ANO4: variants seen among roughly 807,000 people sequenced by gnomAD.
ANO4 encodes the protein anoctamin 4, also known as anoctamin-4.
A neutral mutation model predicts 141.9 loss-of-function variants in ANO4; 69 were observed. That is an observed-to-expected ratio of 0.49 (90% CI 0.40 to 0.59). ANO4 has a LOEUF of 0.59. Among genes scored for constraint, ANO4 ranks in the 20% least tolerant of loss-of-function variants. The probability of loss-of-function intolerance (pLI) is 0.00; values close to 1 mark genes in which losing one functional copy is unlikely to be tolerated. For missense variants in ANO4, 894 were observed against 1,162.2 expected, an observed-to-expected ratio of 0.77 and a Z score of 3.36; for synonymous variants, 350 against 394.3, an observed-to-expected ratio of 0.89 and a Z score of 1.33.
At chr12:100,724,280 A>G (rs1377863196) in intron 1 of ANO4, among the ~76,000 whole-genome samples, 1 of 152,244 alleles carries the variant, frequency 6.6e-6, no homozygotes, top group African/African-American at 2.4e-5. Flanking sequence ...TTTAAAATGC[A>G]GGAAAGGTGA....
rs541980567 is a variant in ANO4 at position 100,893,766 on chromosome 12, C to T, written c.-140-7880C>T. On this transcript the variant is annotated intron_variant, in intron 1 of 27. Transcript: ENST00000392977. ...TACGAATCAGGGGCAATAATCTACT[C>T]TGCCACTGTGGTTTCCTGAAATGAA... Among the ~76,000 whole-genome samples, 12 of 152,254 alleles carry T rather than the reference C, an allele frequency of 7.9e-5. 1 individual carries two copies. In the South Asian group the frequency reaches 2.5e-3, roughly 32 times the overall value.
At chr12:100,890,585 C>G (rs1313869373) in intron 1 of ANO4, among the ~76,000 whole-genome samples, 2 of 152,104 alleles carry the variant, frequency 1.3e-5, no homozygotes, top group Non-Finnish European at 2.9e-5. Flanking sequence ...CTGAGAGCCC[C>G]CATTTTCTTA....
intron 26 of ANO4, among the ~76,000 whole-genome samples, chr12:101,122,757 T>A (rs997508966): frequency 2.0e-5 from 3 of 152,172 alleles, no homozygotes; most frequent in African/African-American, 7.2e-5. Flanking sequence ...TATAGTTAAT[T>A]TATGATTTTC....
rs562945558 is a variant in ANO4, at chr12:101,054,651, C to T, written c.1312+6250C>T. ...AGTAGCTGGGATTACAGGCGCCCGC[C>T]ACCACGCCCAGCTAATTTTTTTGTA... On this transcript the variant is annotated intron_variant, in intron 14 of 27. Transcript: ENST00000392977. 7.9e-5 allele frequency among the ~76,000 whole-genome samples: 12 copies of T among 152,306 alleles called. No individual in the cohort carries two copies. The South Asian group carries it at 1.0e-3, about 13-fold the overall frequency.
intron 2 of ANO4, among the ~76,000 whole-genome samples, chr12:100,919,005 C>CA (rs576031943): frequency 2.0e-5 from 3 of 151,138 alleles, no homozygotes; most frequent in South Asian, 2.1e-4. Flanking sequence ...TCATTTTTTA[C>CA]AAAAAAAGTT....
At chr12:100,899,170 C>T (rs2040477238) in intron 1 of ANO4, among the ~76,000 whole-genome samples, 1 of 152,144 alleles carries the variant, frequency 6.6e-6, no homozygotes, top group Non-Finnish European at 1.5e-5. Context: ...ACGGGGCCAC[C>T]CAGCCTGACA....
intron 1 of ANO4, among the ~76,000 whole-genome samples, chr12:100,863,970 A>G (rs1481611627): frequency 6.6e-6 from 1 of 152,276 alleles, no homozygotes; most frequent in African/African-American, 2.4e-5. Flanking sequence ...TGATCCAGGG[A>G]GCTCGAACAG....
intron 1 of ANO4, among the ~76,000 whole-genome samples, chr12:100,897,453 C>G (rs2040401866): frequency 6.6e-6 from 1 of 152,140 alleles, no homozygotes; most frequent in South Asian, 2.1e-4. Context: ...CCATCTGTGC[C>G]CAAGATGTCT....
In ANO4 at chr12:100,733,702, C is replaced by T. The variant is rs2031485707; in HGVS notation, c.23-72C>T. 4 of 651,478 alleles carry T rather than the reference C, an allele frequency of 6.1e-6. No individual in the cohort carries two copies. The East Asian group carries it at 1.1e-4, about 18-fold the overall frequency. 40.4% of individuals were successfully genotyped at this position (651,478 alleles called of 1,614,324 possible). The stretch of plus-strand genomic sequence containing the variant: ...GAGAGCTGGTTTATTTACCACCAGT[C>T]ATATATTTACATTGTGGTCATGGTG... On this transcript the variant is annotated intron_variant, in intron 1 of 29. Coordinates refer to the ANO4 transcript ENST00000644049.
chr12:100,888,938 G>C (rs577403057), intron 1 of ANO4, among the ~76,000 whole-genome samples: 23 of 151,388 alleles, frequency 1.5e-4, no homozygotes, highest in African/African-American at 5.6e-4. Context: ...GTGCAGGTTT[G>C]TTACATATGT....
chr12:100,967,342 A>T (rs1478235227), intron 5 of ANO4, among the ~76,000 whole-genome samples: 1 of 152,140 alleles, frequency 6.6e-6, no homozygotes, highest in Non-Finnish European at 1.5e-5. Context: ...CTTAATAATA[A>T]GGAAAGACCT....
At chr12:101,012,588 G>A (rs1251413960) in intron 8 of ANO4, among the ~76,000 whole-genome samples, 1 of 152,144 alleles carries the variant, frequency 6.6e-6, no homozygotes, top group Non-Finnish European at 1.5e-5. Flanking sequence ...ATGAGCAAAG[G>A]GAAGAAAGGA....
At chr12:100,838,438 T>G (rs994759341) in intron 1 of ANO4, among the ~76,000 whole-genome samples, 2 of 151,988 alleles carry the variant, frequency 1.3e-5, no homozygotes, top group African/African-American at 4.8e-5. Context: ...AAAACCAAAA[T>G]ATACTCACTA....
intron 3 of ANO4, among the ~76,000 whole-genome samples, chr12:100,770,277 T>C (rs912419981): frequency 2.0e-5 from 3 of 152,224 alleles, no homozygotes; most frequent in African/African-American, 7.2e-5. Flanking sequence ...GATGTACTAA[T>C]GTAGAATTTT....
intron 14 of ANO4, among the ~76,000 whole-genome samples, chr12:101,060,235 G>T (rs1163006155): frequency 2.0e-5 from 3 of 152,202 alleles, no homozygotes; most frequent in Non-Finnish European, 4.4e-5. Context: ...TTGCACTGTG[G>T]TCTGAAAGAC....
chr12:101,085,677 T>C (rs923411422), intron 16 of ANO4, among the ~76,000 whole-genome samples: 1 of 152,182 alleles, frequency 6.6e-6, no homozygotes, highest in African/African-American at 2.4e-5. Flanking sequence ...GAAGATATGC[T>C]GTATTGTTCT....
At chr12:101,009,195 A>G (rs1025759337) in intron 8 of ANO4, among the ~76,000 whole-genome samples, 1 of 152,172 alleles carries the variant, frequency 6.6e-6, no homozygotes, top group Non-Finnish European at 1.5e-5. Flanking sequence ...GCCCTAATCC[A>G]TTATGACTGG....
chr12:100,768,319 G>T (rs1565864651), intron 3 of ANO4, among the ~76,000 whole-genome samples: 2 of 152,188 alleles, frequency 1.3e-5, no homozygotes, highest in African/African-American at 2.4e-5. Context: ...CATGGATAAT[G>T]TGAAACTGTC....
At chr12:101,057,359 G>A (rs1393219125) in intron 14 of ANO4, among the ~76,000 whole-genome samples, 2 of 152,032 alleles carry the variant, frequency 1.3e-5, no homozygotes, top group Non-Finnish European at 2.9e-5. Context: ...TAATCCTTTG[G>A]GTGTATACTC....
Sources: allele counts gnomAD v4.1 joint callset (sites outside exome capture counted in the v4.1 genomes callset), GRCh38; gene constraint gnomAD v4.1.1; transcripts MANE v1.5; gene names NCBI Gene and HGNC (gene_info 2026-07-23, HGNC 2026-07-21).